GABRA2: variants seen among roughly 807,000 people sequenced by gnomAD.
GABRA2 encodes gamma-aminobutyric acid receptor subunit alpha-2.
In GABRA2, 16 loss-of-function variants were observed where a neutral mutation model predicts 48.7. That is an observed-to-expected ratio of 0.33 (90% CI 0.22 to 0.50). The LOEUF (loss-of-function observed/expected upper bound fraction) is 0.50. Ranked by LOEUF, GABRA2 falls within the 20% of genes least tolerant of loss-of-function variation. The pLI, the probability that GABRA2 is intolerant of heterozygous loss-of-function variation, is 0.98. For synonymous variants in GABRA2, 185 were observed against 184.5 expected (o/e 1.00, Z -0.02); for missense variants, 275 against 535.6 (o/e 0.51, Z 4.80).
chr4:46,269,809 A>T (rs1385148883), intron 8 of GABRA2, among the ~76,000 whole-genome samples: 2 of 151,946 alleles, frequency 1.3e-5, no homozygotes, highest in Non-Finnish European at 2.9e-5. Flanking sequence ...TGGTAATATT[A>T]GTTATTTATG....
intron 3 of GABRA2, among the ~76,000 whole-genome samples, chr4:46,372,741 T>C (rs1380933333): frequency 1.3e-5 from 2 of 152,190 alleles, no homozygotes; most frequent in East Asian, 3.9e-4. Flanking sequence ...CAATTGGCAT[T>C]AAACTCACGG....
At chr4:46,363,249 C>A (rs892805475) in intron 3 of GABRA2, among the ~76,000 whole-genome samples, 1 of 151,818 alleles carries the variant, frequency 6.6e-6, no homozygotes, top group African/African-American at 2.4e-5. Flanking sequence ...AATAAAGTGG[C>A]CGGGGGAGTA....
intron 3 of GABRA2, among the ~76,000 whole-genome samples, chr4:46,351,212 C>T (rs1398164853): frequency 6.6e-6 from 1 of 151,442 alleles, no homozygotes; most frequent in African/African-American, 2.4e-5. Flanking sequence ...CTAGAGTTTA[C>T]TTAGAAAGAA....
chr4:46,330,591 T>TATATATATATAGAGAGAG (rs1411755120), intron 4 of GABRA2, among the ~76,000 whole-genome samples: 139 of 122,642 alleles, frequency 1.1e-3, no homozygotes, highest in Non-Finnish European at 1.6e-3. Flanking sequence ...TATATATATA[T>TATATATATATAGAGAGAG]AGAGAGAGAG....
At chr4:46,295,772 CT>C (rs1428034459) in intron 8 of GABRA2, among the ~76,000 whole-genome samples, 1 of 152,160 alleles carries the variant, frequency 6.6e-6, no homozygotes, top group African/African-American at 2.4e-5. Context: ...TAATGGACCT[CT>C]TCCATCATGG....
rs1196674165 is a variant in GABRA2, at chr4:46,246,044, C to T, written c.*4264G>A. On this transcript the variant is annotated 3_prime_UTR_variant, in exon 10 of 10. Coordinates refer to ENST00000381620, the MANE Select transcript of GABRA2 (RefSeq NM_000807.4). Reference sequence around the variant, plus strand: ...TATAAGTAGATATTGAATAATTTACCTTCCCAAATGACTTTCACATGAACT... The same window carrying T: ...TATAAGTAGATATTGAATAATTTACTTTCCCAAATGACTTTCACATGAACT... 6.6e-6 allele frequency among the ~76,000 whole-genome samples: 1 copy of T among 150,786 alleles called. No homozygotes were observed. Among genetic ancestry groups the T allele is most frequent in the Non-Finnish European group, 1.5e-5 (1 of 67,302 alleles).
At chr4:46,316,795 T>C (rs984787773) in intron 4 of GABRA2, among the ~76,000 whole-genome samples, 3 of 151,968 alleles carry the variant, frequency 2.0e-5, no homozygotes, top group African/African-American at 7.2e-5. Context: ...TCACTTCATC[T>C]ACTCAGTTTC....
intron 3 of GABRA2, among the ~76,000 whole-genome samples, chr4:46,376,705 C>T (rs938710113): frequency 2.0e-5 from 3 of 151,760 alleles, no homozygotes; most frequent in Non-Finnish European, 4.4e-5. Flanking sequence ...ATAGTGAGAT[C>T]CTGTGTCTAC....
intron 8 of GABRA2, among the ~76,000 whole-genome samples, chr4:46,300,258 A>T (rs557139524): frequency 6.6e-6 from 1 of 151,806 alleles, no homozygotes; most frequent in African/African-American, 2.4e-5. Flanking sequence ...TGCATTTTAG[A>T]CTTATTGGTA....
chr4:46,267,176 C>T (rs935676400), intron 8 of GABRA2, among the ~76,000 whole-genome samples: 5 of 152,018 alleles, frequency 3.3e-5, no homozygotes, highest in African/African-American at 1.2e-4. Context: ...ATTCAACAAT[C>T]TTAATTGGCT....
At chr4:46,340,906 T>C (rs1578109812) in intron 3 of GABRA2, among the ~76,000 whole-genome samples, 1 of 152,008 alleles carries the variant, frequency 6.6e-6, no homozygotes. Context: ...TCTTTAAGGC[T>C]GTATTCGTTT....
At chr4:46,287,450 TAAA>T (rs1722773847) in intron 8 of GABRA2, among the ~76,000 whole-genome samples, 2 of 151,522 alleles carry the variant, frequency 1.3e-5, no homozygotes, top group South Asian at 4.2e-4. Context: ...TATGCAGCCA[TAAA>T]AAATGATGAG....
chr4:46,256,048 CT>C, intron 9 of GABRA2: 1 of 409,880 alleles, frequency 2.4e-6, no homozygotes, highest in Non-Finnish European at 4.4e-6. Flanking sequence ...CAAATCTATG[CT>C]TTTTCTACCA....
At chr4:46,324,553 T>C (rs747150539) in intron 4 of GABRA2, among the ~76,000 whole-genome samples, 5 of 152,000 alleles carry the variant, frequency 3.3e-5, no homozygotes, top group Non-Finnish European at 7.4e-5. Context: ...CAGTTGTTTA[T>C]TATTTAGTTT....
intron 8 of GABRA2, among the ~76,000 whole-genome samples, chr4:46,294,502 C>G (rs980437355): frequency 6.6e-6 from 1 of 152,134 alleles, no homozygotes; most frequent in African/African-American, 2.4e-5. Flanking sequence ...TATTGAGTGA[C>G]CTGAAAGGCT....
rs937824718 is a variant in GABRA2 at position 46,325,016 on chromosome 4, C to T, written c.255+7599G>A. 2.0e-5 allele frequency among the ~76,000 whole-genome samples: 3 copies of T among 151,866 alleles called. No individual in the cohort carries two copies. In the Admixed American group the frequency reaches 2.0e-4, roughly 10 times the overall value. On this transcript the variant is annotated intron_variant, in intron 4 of 9. Coordinates refer to ENST00000381620, the MANE Select transcript of GABRA2 (RefSeq NM_000807.4). Reference sequence around the variant, plus strand: ...CATGTCTTTTCTATTGTGAATTGTGCTGCAATGAACATACATAGTTCATAT... The same window carrying T: ...CATGTCTTTTCTATTGTGAATTGTGTTGCAATGAACATACATAGTTCATAT...
chr4:46,256,627 A>G (rs1313194427), intron 9 of GABRA2, among the ~76,000 whole-genome samples: 1 of 151,540 alleles, frequency 6.6e-6, no homozygotes. Flanking sequence ...TGCTATTGCT[A>G]TGGACTGCAG....
chr4:46,363,533 A>G (rs938602575), intron 3 of GABRA2, among the ~76,000 whole-genome samples: 1 of 152,166 alleles, frequency 6.6e-6, no homozygotes, highest in Non-Finnish European at 1.5e-5. Context: ...ATAGTGGTCT[A>G]TTTGAGAATA....
intron 4 of GABRA2, among the ~76,000 whole-genome samples, chr4:46,314,085 C>T (rs571629418): frequency 1.3e-5 from 2 of 151,956 alleles, no homozygotes; most frequent in Non-Finnish European, 2.9e-5. Flanking sequence ...AGCGTGGGCT[C>T]ACTATCATCT....
Sources: gnomAD v4.1 joint callset for allele counts (sites outside exome capture counted in the v4.1 genomes callset) on GRCh38, gnomAD v4.1.1 for gene constraint, MANE v1.5 for transcripts, NCBI Gene and HGNC (gene_info 2026-07-23, HGNC 2026-07-21) for gene names.